The following CCDC73 variants were observed in gnomAD, a reference collection of about 807,000 sequenced individuals.
The protein encoded by CCDC73 is coiled-coil domain containing 73.
Under a neutral mutation model 116.5 loss-of-function variants are expected in CCDC73, and 95 were observed. The observed-to-expected ratio is 0.82, with a 90% CI of 0.69 to 0.97. The LOEUF (loss-of-function observed/expected upper bound fraction) is 0.97. Among genes scored for constraint, CCDC73 ranks in the 50% least tolerant of loss-of-function variants. The pLI, the probability that CCDC73 is intolerant of heterozygous loss-of-function variation, is 0.00. For missense variants in CCDC73, 1,066 were observed against 1,206.8 expected, an observed-to-expected ratio of 0.88 and a Z score of 1.73; for synonymous variants, 398 against 401.3, an observed-to-expected ratio of 0.99 and a Z score of 0.10.
intron 1 of CCDC73, among the ~76,000 whole-genome samples, chr11:32,765,663 A>G (rs192079937): frequency 6.6e-6 from 1 of 152,264 alleles, no homozygotes; most frequent in Non-Finnish European, 1.5e-5. Context: ...AGAAAGCAGG[A>G]AAGATCTAAA....
Position 32,755,536 on chromosome 11 carries a change from AATATATATATAT to A in CCDC73, c.135+4561_135+4572del, listed in dbSNP as rs375204188. Among the ~76,000 whole-genome samples the A allele has an allele frequency of 3.3e-5, 2 of 59,928 alleles. 1 individual carries two copies. The highest frequency in any genetic ancestry group is 3.4e-3 in the East Asian group (2 of 588). 39.3% of individuals were successfully genotyped at this position (59,928 alleles called of 152,430 possible). On this transcript the variant is annotated intron_variant, in intron 2 of 17. Coordinates refer to ENST00000335185, the MANE Select transcript of CCDC73 (RefSeq NM_001008391.4). ...GTGACAAAGCAAGACTCCATCTCAAAATATATATATATATATATATATATATGTACATATATA... is the reference window on the plus strand; with the variant it reads ...GTGACAAAGCAAGACTCCATCTCAAAATATATATATATATGTACATATATA...
At chr11:32,705,221 C>A (rs1849845630) in intron 3 of CCDC73, among the ~76,000 whole-genome samples, 1 of 152,174 alleles carries the variant, frequency 6.6e-6, no homozygotes, top group Non-Finnish European at 1.5e-5. Context: ...CTAAAATACA[C>A]CACACTGCTT....
intron 12 of CCDC73, among the ~76,000 whole-genome samples, chr11:32,644,790 T>C (rs1855762364): frequency 2.0e-5 from 3 of 152,182 alleles, no homozygotes; most frequent in African/African-American, 2.4e-5. Context: ...TAATCTGTTT[T>C]CTGTCTCTCT....
intron 7 of CCDC73, chr11:32,680,144 C>T (rs1856130441): frequency 6.6e-6 from 1 of 152,098 alleles, no homozygotes; most frequent in Admixed American, 6.6e-5. Flanking sequence ...GGTCCATTGT[C>T]CAGTTTGCCA....
Position 32,696,625 on chromosome 11 carries a change from G to A in CCDC73, c.390+2626C>T, listed in dbSNP as rs1166114711. 4.6e-5 allele frequency among the ~76,000 whole-genome samples: 7 copies of A among 151,824 alleles called. No homozygotes were observed. In the South Asian group the frequency reaches 8.3e-4, roughly 18 times the overall value. On this transcript the variant is annotated intron_variant, in intron 6 of 17. Transcript: ENST00000335185. ...GCATATATATTTTTTTTGTACAGAC[G>A]CGGTTTTGCCACGTTGCCCAGGCTG...
chr11:32,815,890 C>T, the CCDC73 span, among the ~76,000 whole-genome samples: 28 of 152,280 alleles, frequency 1.8e-4, no homozygotes, highest in South Asian at 4.1e-4. Context: ...CTTTTATACA[C>T]GCTATCCTTT....
In CCDC73 at chr11:32,791,772, G is replaced by A. The variant is rs1850678653; in HGVS notation, c.-16+2841C>T. 2.0e-5 allele frequency among the ~76,000 whole-genome samples: 3 copies of A among 152,228 alleles called. No homozygotes were observed. In the South Asian group the frequency reaches 6.2e-4, roughly 32 times the overall value. On this transcript the variant is annotated intron_variant, in intron 1 of 17. Transcript: ENST00000335185. ...GCTCAAGACCTCAAGACCAGACTCA[G>A]CAACATGGTGAAACCCCATCTCTAC...
At chr11:32,788,568 G>A (rs916845793) in intron 1 of CCDC73, among the ~76,000 whole-genome samples, 5 of 151,680 alleles carry the variant, frequency 3.3e-5, no homozygotes, top group African/African-American at 4.8e-5. Flanking sequence ...CCGACCTCCG[G>A]AGCTCATGAG....
chr11:32,769,950 T>C (rs190810869), intron 1 of CCDC73, among the ~76,000 whole-genome samples: 2 of 152,352 alleles, frequency 1.3e-5, no homozygotes, highest in Non-Finnish European at 1.5e-5. Flanking sequence ...TTTAGATTTG[T>C]ATTATGGTAT....
At chr11:32,768,123 C>T (rs1390132025) in intron 1 of CCDC73, among the ~76,000 whole-genome samples, 1 of 152,164 alleles carries the variant, frequency 6.6e-6, no homozygotes, top group Non-Finnish European at 1.5e-5. Flanking sequence ...ACATATACAC[C>T]ATGGAATACT....
At chr11:32,738,397 TA>T (rs1281971603) in intron 2 of CCDC73, among the ~76,000 whole-genome samples, 1 of 152,230 alleles carries the variant, frequency 6.6e-6, no homozygotes, top group Non-Finnish European at 1.5e-5. Context: ...AAAGCTACTT[TA>T]ACTGGGGTGA....
chr11:32,655,066 T>A, intron 9 of CCDC73, 94 bp from the exon 10 acceptor site: 1 of 1,169,416 alleles, frequency 8.6e-7, no homozygotes, highest in Non-Finnish European at 1.2e-6. Flanking sequence ...TCCTTAAGCC[T>A]ATAATTATAA....
At position 32,710,999 on chromosome 11, in the gene CCDC73, T is replaced by TA. The variant is rs548126772; in HGVS notation, c.207+7076dup. 7.5e-4 allele frequency among the ~76,000 whole-genome samples: 114 copies of TA among 151,844 alleles called. 2 individuals carry two copies. The South Asian group carries it at 0.022, about 30-fold the overall frequency. On this transcript the variant is annotated intron_variant, in intron 3 of 17. Coordinates refer to ENST00000335185, the MANE Select transcript of CCDC73 (RefSeq NM_001008391.4). ...TGACAAAGAACAATATCCAGAGTCTTAAAAAAAAGATATACAAATGGCCAA... is the reference window on the plus strand; with the variant it reads ...TGACAAAGAACAATATCCAGAGTCTTAAAAAAAAAGATATACAAATGGCCAA...
At chr11:32,645,454 C>A (rs1855769974) in intron 12 of CCDC73, among the ~76,000 whole-genome samples, 1 of 152,038 alleles carries the variant, frequency 6.6e-6, no homozygotes, top group Non-Finnish European at 1.5e-5. Flanking sequence ...ACCACACTGG[C>A]TAATTTTTGT....
At chr11:32,631,995 C>T (rs1855636140) in intron 14 of CCDC73, among the ~76,000 whole-genome samples, 1 of 152,066 alleles carries the variant, frequency 6.6e-6, no homozygotes, top group South Asian at 2.1e-4. Flanking sequence ...TGAGTATGAC[C>T]CACTGGAAAT....
chr11:32,611,085 G>A, intron 17 of CCDC73, 47 bp downstream of exon 17: 1 of 1,596,112 alleles, frequency 6.3e-7, no homozygotes, highest in Non-Finnish European at 8.6e-7. Context: ...CATATCTGTA[G>A]AATTAGCTCA....
At chr11:32,691,598 A>T (rs551702114) in intron 6 of CCDC73, among the ~76,000 whole-genome samples, 2 of 152,176 alleles carry the variant, frequency 1.3e-5, no homozygotes, top group Non-Finnish European at 2.9e-5. Flanking sequence ...GTTATTTTGG[A>T]TAGCCGTCCT....
At chr11:32,798,308 T>C (rs1850740192), upstream of CCDC73, among the ~76,000 whole-genome samples, 1 of 152,224 alleles carries the variant, frequency 6.6e-6, no homozygotes, top group Admixed American at 6.5e-5. Context: ...GTTGTATTAG[T>C]ATTTTAGACG....
intron 1 of CCDC73, among the ~76,000 whole-genome samples, chr11:32,789,624 T>A (rs201728911): frequency 6.9e-6 from 1 of 145,316 alleles, no homozygotes; most frequent in East Asian, 2.3e-4. Flanking sequence ...AACAAAAAAA[T>A]TCGCTGGGTG....
Sources: gnomAD v4.1 joint callset for allele counts (sites outside exome capture counted in the v4.1 genomes callset) on GRCh38, gnomAD v4.1.1 for gene constraint, MANE v1.5 for transcripts, NCBI Gene and HGNC (gene_info 2026-07-23, HGNC 2026-07-21) for gene names.